The following DAGLB variants were observed in gnomAD, a reference collection of about 807,000 sequenced individuals.
DAGLB encodes diacylglycerol lipase-beta.
Under a neutral mutation model 72.1 loss-of-function variants are expected in DAGLB, and 66 were observed. That is an observed-to-expected ratio of 0.92 (90% CI 0.75 to 1.12). DAGLB has a LOEUF of 1.12. Ranked by LOEUF, DAGLB falls within the 50% of genes most tolerant of loss-of-function variation. The pLI is 0.00. For synonymous variants in DAGLB, 414 were observed against 359.5 expected, an observed-to-expected ratio of 1.15 and a Z score of -1.71; for missense variants, 1,065 against 884.9, an observed-to-expected ratio of 1.20 and a Z score of -2.58.
At chr7:6,419,866 G>C (rs982987476) in intron 9 of DAGLB, among the ~76,000 whole-genome samples, 1 of 152,242 alleles carries the variant, frequency 6.6e-6, no homozygotes, top group Non-Finnish European at 1.5e-5. Flanking sequence ...AAAGGGCCAG[G>C]CGTGGTGGCT....
At chr7:6,423,345 C>T (rs1357678529) in intron 8 of DAGLB, among the ~76,000 whole-genome samples, 3 of 152,094 alleles carry the variant, frequency 2.0e-5, no homozygotes, top group Admixed American at 6.6e-5. Flanking sequence ...GGGGCCATGG[C>T]GCTGGAAATG....
rs777256367 is a variant in DAGLB at position 6,416,686 on chromosome 7, G to C, written c.1368C>G (p.Leu456=). The part of the protein sequence containing the change: ...GGAAALLATM[L]RAAYPQVRCY... ...ACCTGACCTGCGGGTAGGCGGCTCT[G>C]AGCATGGTGGCCAGCAGGGCGGCCG... The change falls in exon 11 of 15, where the codon CTC becomes CTG. Residue 456 remains leucine, a synonymous_variant. Transcript: ENST00000297056. 11 of 1,613,828 alleles carry C rather than the reference G, an allele frequency of 6.8e-6. No individual in the cohort carries two copies. Among genetic ancestry groups the C allele is most frequent in the Non-Finnish European group, 9.3e-6 (11 of 1,179,896 alleles).
Position 6,410,164 on chromosome 7 carries a change from T to A in DAGLB, c.1786A>T (p.Ile596Phe), listed in dbSNP as rs1285852745. The change falls in exon 14 of 15, where the codon ATC (isoleucine) becomes TTC (phenylalanine). Residue 596 changes from isoleucine (I) to phenylalanine (F), a missense_variant. Transcript: ENST00000297056. Reference sequence around the variant, plus strand: ...GCGCCCTCCTCCTGCAGGTGGATGATCCTGCCGGGAGGGTAGAGAGGGGGG... The same window carrying A: ...GCGCCCTCCTCCTGCAGGTGGATGAACCTGCCGGGAGGGTAGAGAGGGGGG... Reference protein sequence around the residue: ...KYPPLYPPGRIIHLQEEGASG... With the variant: ...KYPPLYPPGRFIHLQEEGASG... 8 of 1,580,986 alleles carry A rather than the reference T, an allele frequency of 5.1e-6. No individual in the cohort carries two copies. The Admixed American group carries it at 1.1e-4, about 21-fold the overall frequency.
chr7:6,430,234 A>G (rs564406461), intron 6 of DAGLB, among the ~76,000 whole-genome samples: 3 of 112,592 alleles, frequency 2.7e-5, no homozygotes, highest in African/African-American at 1.1e-4. Flanking sequence ...TGGTTCGGGG[A>G]AAAAAAATAC....
chr7:6,444,664 A>C (rs1014293114), intron 2 of DAGLB, among the ~76,000 whole-genome samples: 5 of 152,182 alleles, frequency 3.3e-5, no homozygotes, highest in Admixed American at 3.3e-4. Flanking sequence ...AAAAGATCTG[A>C]ACAGACATTT....
At position 6,430,562 on chromosome 7, in the gene DAGLB, G is replaced by A; in HGVS notation, c.847C>T (p.Gln283Ter). 4.4e-6 allele frequency: 7 copies of A among 1,604,066 alleles called. No homozygotes were observed. Among genetic ancestry groups the A allele is most frequent in the Non-Finnish European group, 6.0e-6 (7 of 1,173,438 alleles). ...CACCCATAGGCCGCTGCTGCAAACT[G>A]CATGTAATGATGGCAGTTTTCTAAT... is the stretch of plus-strand genomic sequence containing the variant. ...AELENCHHYM[Q>*]FAAAAYGWPL... Residue 283 changes from glutamine to a stop codon, truncating the protein, a stop_gained, in exon 6 of 15, where the codon CAG (glutamine) becomes TAG (stop). Coordinates refer to ENST00000297056, the MANE Select transcript of DAGLB (RefSeq NM_139179.4). LOFTEE classifies it high-confidence loss of function.
At chr7:6,414,462 G>A (rs1393104944) in intron 11 of DAGLB, among the ~76,000 whole-genome samples, 1 of 151,694 alleles carries the variant, frequency 6.6e-6, no homozygotes, top group African/African-American at 2.4e-5. Flanking sequence ...ACAGGCACAC[G>A]TCACCACGTC....
intron 8 of DAGLB, among the ~76,000 whole-genome samples, chr7:6,423,931 C>CG (rs1363163340): frequency 6.6e-6 from 1 of 152,106 alleles, no homozygotes; most frequent in Non-Finnish European, 1.5e-5. Context: ...GGGCGCCCCC[C>CG]GGGAGGAGCA....
At chr7:6,419,081 C>CTTTGT (rs1784022185) in intron 9 of DAGLB, among the ~76,000 whole-genome samples, 1 of 128,184 alleles carries the variant, frequency 7.8e-6, no homozygotes, top group East Asian at 2.4e-4. Context: ...ATGGCACTTC[C>CTTTGT]TTTTTTTTTT....
At chr7:6,416,272 G>T in intron 11 of DAGLB, 1 of 179,124 alleles carries the variant, frequency 5.6e-6, no homozygotes, top group African/African-American at 2.4e-5. Flanking sequence ...AGCTGGGTGC[G>T]GTGGCTCACG....
At chr7:6,432,476 T>G (rs1784515002) in intron 5 of DAGLB, among the ~76,000 whole-genome samples, 1 of 149,030 alleles carries the variant, frequency 6.7e-6, no homozygotes, top group South Asian at 2.1e-4. Context: ...GCTAACACGG[T>G]GAAACCCCGT....
At chr7:6,436,338 CAA>C (rs772173000) in intron 3 of DAGLB, 22 bp downstream of exon 3, 2 of 1,586,684 alleles carry the variant, frequency 1.3e-6, no homozygotes, top group Middle Eastern at 1.7e-4. Context: ...CACTGAAACT[CAA>C]AGAGAAGAAG....
chr7:6,434,701 C>T (rs759150961), intron 4 of DAGLB, 61 bp downstream of exon 4: 14 of 1,603,190 alleles, frequency 8.7e-6, no homozygotes, highest in Non-Finnish European at 1.2e-5. Context: ...GAGGGACCGG[C>T]TCCATCAGAA....
At chr7:6,415,298 A>C (rs1480393396) in intron 11 of DAGLB, among the ~76,000 whole-genome samples, 4 of 152,080 alleles carry the variant, frequency 2.6e-5, no homozygotes, top group Non-Finnish European at 4.4e-5. Flanking sequence ...AGATTTAAGC[A>C]CTTATACATT....
chr7:6,420,108 C>G (rs1300601431), intron 9 of DAGLB, among the ~76,000 whole-genome samples: 1 of 152,160 alleles, frequency 6.6e-6, no homozygotes, highest in Non-Finnish European at 1.5e-5. Flanking sequence ...GATCACACCA[C>G]TGCACTCAAG....
intron 6 of DAGLB, among the ~76,000 whole-genome samples, 162 bp from the exon 7 acceptor site, chr7:6,426,276 G>A (rs183853600): frequency 3.9e-5 from 6 of 152,238 alleles, no homozygotes; most frequent in African/African-American, 9.6e-5. Flanking sequence ...TAATTTGATC[G>A]ACTGACTGAT....
chr7:6,439,270 GA>G (rs60313792), intron 2 of DAGLB, among the ~76,000 whole-genome samples: 24,573 of 130,002 alleles, frequency 0.19, 2,362 homozygotes, highest in East Asian at 0.26. Context: ...GAAAAAAAAA[GA>G]AAAAAAAAAA....
chr7:6,426,198 G>A (rs1784305892), intron 6 of DAGLB, 84 bp from the exon 7 acceptor site: 1 of 1,584,152 alleles, frequency 6.3e-7, no homozygotes, highest in Non-Finnish European at 8.6e-7. Context: ...TGTTCCCAGA[G>A]ACGCGAGGAC....
chr7:6,423,402 CAG>C (rs1198037988), intron 8 of DAGLB, among the ~76,000 whole-genome samples: 5 of 151,834 alleles, frequency 3.3e-5, no homozygotes, highest in Non-Finnish European at 7.4e-5. Context: ...ACACAGCAGA[CAG>C]GGCGCACAGA....
Sources: allele counts gnomAD v4.1 joint callset (sites outside exome capture counted in the v4.1 genomes callset), GRCh38; gene constraint gnomAD v4.1.1; transcripts MANE v1.5; gene names NCBI Gene and HGNC (gene_info 2026-07-23, HGNC 2026-07-21).